The following SYTL5 variants were observed in gnomAD, a reference collection of about 807,000 sequenced individuals.
SYTL5 encodes the protein synaptotagmin like 5.
Under a neutral mutation model 55.9 loss-of-function variants are expected in SYTL5, and 34 were observed. That is an observed-to-expected ratio of 0.61 (90% CI 0.46 to 0.81). SYTL5 has a LOEUF of 0.81. SYTL5 is among the 30% of genes least tolerant of loss of function. The probability of loss-of-function intolerance (pLI) is 0.00; values close to 1 mark genes in which losing one functional copy is unlikely to be tolerated. For synonymous variants in SYTL5, 221 were observed against 188.7 expected (o/e 1.17, Z -1.40); for missense variants, 637 against 546.7 (o/e 1.17, Z -1.65).
chrX:37,910,533 C>A, the SYTL5 span, among the ~76,000 whole-genome samples: 3 of 112,039 alleles, frequency 2.7e-5, no homozygotes, highest in South Asian at 3.8e-4. Context: ...ATGTGCGCAC[C>A]AGTCACCTGG....
intron 1 of SYTL5, among the ~76,000 whole-genome samples, chrX:38,028,595 C>T (rs915411369): frequency 7.2e-5 from 8 of 111,732 alleles, no homozygotes; most frequent in Admixed American, 5.7e-4. Context: ...ACGTTTTAAG[C>T]AAAAAGTCAA....
chrX:37,962,578 G>A, the SYTL5 span, among the ~76,000 whole-genome samples: 3 of 111,649 alleles, frequency 2.7e-5, no homozygotes, highest in African/African-American at 9.8e-5. Context: ...TAATCCTTTG[G>A]GTGTATACCC....
At chrX:37,978,391 T>G in the SYTL5 span, among the ~76,000 whole-genome samples, 13 of 111,772 alleles carry the variant, frequency 1.2e-4, no homozygotes, top group Admixed American at 1.2e-3. Flanking sequence ...TATTTCAGTT[T>G]TCAACATGTG....
At chrX:37,889,776 A>G in the SYTL5 span, among the ~76,000 whole-genome samples, 7 of 111,674 alleles carry the variant, frequency 6.3e-5, no homozygotes, top group African/African-American at 2.3e-4. Flanking sequence ...AAGAAAATAA[A>G]AAAAAAAAGG....
At chrX:37,905,799 G>C in the SYTL5 span, among the ~76,000 whole-genome samples, 1 of 113,214 alleles carries the variant, frequency 8.8e-6, no homozygotes, top group Non-Finnish European at 1.9e-5. Flanking sequence ...CACGAAGGAG[G>C]CTTTCACCCC....
the SYTL5 span, among the ~76,000 whole-genome samples, chrX:37,899,915 A>T: frequency 9.0e-6 from 1 of 111,312 alleles, no homozygotes; most frequent in Non-Finnish European, 1.9e-5. Context: ...TTTCAAATTT[A>T]AAAAAAACAA....
intron 9 of SYTL5, among the ~76,000 whole-genome samples, 170 bp downstream of exon 9, chrX:38,096,404 T>A (rs1312892998): frequency 9.0e-6 from 1 of 111,533 alleles, no homozygotes; most frequent in Non-Finnish European, 1.9e-5. Context: ...AAGAATAACT[T>A]AGAAAATATA....
the SYTL5 span, among the ~76,000 whole-genome samples, chrX:37,915,651 C>T: frequency 8.9e-6 from 1 of 111,851 alleles, no homozygotes; most frequent in Non-Finnish European, 1.9e-5. Flanking sequence ...GTGACAGTCA[C>T]GGGTACTGCT....
chrX:38,048,408 A>T (rs769455095), intron 2 of SYTL5, among the ~76,000 whole-genome samples: 1 of 109,298 alleles, frequency 9.1e-6, no homozygotes, highest in African/African-American at 3.3e-5. Context: ...CCCAGTTTCA[A>T]AGTTGCTTCC....
At chrX:38,072,282 T>G in intron 4 of SYTL5, 120 bp downstream of exon 4, 1 of 473,805 alleles carries the variant, frequency 2.1e-6, no homozygotes, top group Non-Finnish European at 3.5e-6. Flanking sequence ...CTTAGGGCAT[T>G]TCACAACTTG....
At chrX:37,953,647 T>C in the SYTL5 span, among the ~76,000 whole-genome samples, 2 of 111,374 alleles carry the variant, frequency 1.8e-5, no homozygotes, top group Non-Finnish European at 3.8e-5. Flanking sequence ...TTTTTCCTTG[T>C]TATCTCAAAA....
intron 13 of SYTL5, among the ~76,000 whole-genome samples, chrX:38,114,515 A>G (rs1937438168): frequency 8.9e-6 from 1 of 111,747 alleles, no homozygotes; most frequent in African/African-American, 3.3e-5. Flanking sequence ...CCACATACAA[A>G]CACACACAAT....
the SYTL5 span, among the ~76,000 whole-genome samples, chrX:37,957,655 A>G: frequency 8.9e-6 from 1 of 112,162 alleles, no homozygotes; most frequent in Non-Finnish European, 1.9e-5. Context: ...TTATGCCAGT[A>G]TCATACTACT....
At chrX:38,083,805 T>TGTGG (rs1278950001) in intron 6 of SYTL5, among the ~76,000 whole-genome samples, 4 of 105,921 alleles carry the variant, frequency 3.8e-5, no homozygotes, top group Non-Finnish European at 5.8e-5. Flanking sequence ...TGTGTGTGTG[T>TGTGG]GTGTTTGTGC....
the SYTL5 span, among the ~76,000 whole-genome samples, chrX:37,935,736 C>T: frequency 1.8e-5 from 2 of 111,060 alleles, no homozygotes; most frequent in African/African-American, 6.6e-5. Context: ...AAGAAAATAT[C>T]TTAAAAAAAT....
At chrX:37,901,532 TCTCTC>T in the SYTL5 span, among the ~76,000 whole-genome samples, 1 of 111,473 alleles carries the variant, frequency 9.0e-6, no homozygotes, top group Non-Finnish European at 1.9e-5. Context: ...ATCCTTCCTG[TCTCTC>T]CTCTACACTC....
chrX:37,955,257 A>G, the SYTL5 span, among the ~76,000 whole-genome samples: 1,028 of 112,150 alleles, frequency 9.2e-3, 15 homozygotes, highest in African/African-American at 0.032. Flanking sequence ...TTGGTACCAC[A>G]GCATGGATTA....
intron 9 of SYTL5, among the ~76,000 whole-genome samples, chrX:38,100,482 A>T (rs1254783043): frequency 8.9e-6 from 1 of 111,744 alleles, no homozygotes; most frequent in African/African-American, 3.2e-5. Flanking sequence ...ATATAAAAAT[A>T]AGCAAATTTT....
the SYTL5 span, among the ~76,000 whole-genome samples, chrX:37,945,441 C>T: frequency 3.6e-5 from 4 of 111,361 alleles, no homozygotes; most frequent in East Asian, 8.4e-4. Context: ...CCATGAACAG[C>T]GCCCAAAAGA....
Sources: allele counts gnomAD v4.1 joint callset (sites outside exome capture counted in the v4.1 genomes callset), GRCh38; gene constraint gnomAD v4.1.1; transcripts MANE v1.5; gene names NCBI Gene and HGNC (gene_info 2026-07-23, HGNC 2026-07-21).